The following GRM1 variants were observed in gnomAD, a reference collection of about 807,000 sequenced individuals.
GRM1 encodes the protein metabotropic glutamate receptor 1.
GRM1 carries 33 observed loss-of-function variants against 90.9 expected under a neutral mutation model. The observed-to-expected ratio is 0.36, with a 90% CI of 0.28 to 0.49. The LOEUF (loss-of-function observed/expected upper bound fraction) is 0.49, where lower values mean the gene tolerates loss of function less well. Among genes scored for constraint, GRM1 ranks in the 20% least tolerant of loss-of-function variants. The pLI is 0.99. For synonymous variants in GRM1, 700 were observed against 613.2 expected, an observed-to-expected ratio of 1.14 and a Z score of -2.09; for missense variants, 1,190 against 1,534.3, an observed-to-expected ratio of 0.78 and a Z score of 3.75.
At chr6:146,324,037 C>T in intron 3 of GRM1, among the ~76,000 whole-genome samples, 1 of 152,162 alleles carries the variant, frequency 6.6e-6, no homozygotes, top group Admixed American at 6.5e-5. Context: ...ATGCCTCTGG[C>T]TTTGTTCTTT....
intron 6 of GRM1, among the ~76,000 whole-genome samples, chr6:146,387,654 G>C (rs943831629): frequency 2.0e-5 from 3 of 152,074 alleles, no homozygotes; most frequent in Non-Finnish European, 4.4e-5. Flanking sequence ...GAAAGTTTAT[G>C]ACACATTTGC....
intron 1 of GRM1, among the ~76,000 whole-genome samples, chr6:146,117,437 ATTTG>A (rs939372037): frequency 2.6e-5 from 4 of 151,760 alleles, no homozygotes; most frequent in African/African-American, 7.2e-5. Flanking sequence ...TTATTGACCT[ATTTG>A]TTTATTTATT....
At chr6:146,094,727 A>C (rs1344995845) in intron 1 of GRM1, among the ~76,000 whole-genome samples, 1 of 152,142 alleles carries the variant, frequency 6.6e-6, no homozygotes. Flanking sequence ...GCAGTGGAAT[A>C]GGAGAATAAT....
upstream of GRM1, among the ~76,000 whole-genome samples, chr6:146,028,149 G>A (rs1244940168): frequency 6.6e-6 from 1 of 152,136 alleles, no homozygotes; most frequent in Non-Finnish European, 1.5e-5. Context: ...CCCCAAGCGG[G>A]TGGGTTTGGA....
intron 2 of GRM1, among the ~76,000 whole-genome samples, chr6:146,259,170 T>G (rs1038820793): frequency 1.4e-4 from 22 of 152,276 alleles, no homozygotes; most frequent in Admixed American, 9.2e-4. Context: ...TTCCTTGACT[T>G]ACTTTTATTA....
chr6:146,357,404 CAGT>C (rs1229198370), intron 4 of GRM1, 119 bp from the exon 5 acceptor site: 4 of 766,852 alleles, frequency 5.2e-6, no homozygotes, highest in Non-Finnish European at 9.1e-6. Flanking sequence ...AAAATATTGG[CAGT>C]AGCTGATTTA....
chr6:146,195,406 C>T (rs1416308411), intron 2 of GRM1, among the ~76,000 whole-genome samples: 7 of 152,162 alleles, frequency 4.6e-5, no homozygotes, highest in African/African-American at 1.4e-4. Context: ...TCAGACCCGC[C>T]GTTCAGGAGG....
intron 2 of GRM1, among the ~76,000 whole-genome samples, chr6:146,250,511 T>C (rs757498909): frequency 6.6e-6 from 1 of 152,222 alleles, no homozygotes; most frequent in Non-Finnish European, 1.5e-5. Context: ...TGCTTCCTCT[T>C]TGCCTTCCAC....
chr6:146,408,403 T>C (rs1381250692), intron 7 of GRM1, among the ~76,000 whole-genome samples: 4 of 152,146 alleles, frequency 2.6e-5, no homozygotes, highest in Admixed American at 6.6e-5. Context: ...GTTTCAGTTA[T>C]AAAAATGGAT....
intron 7 of GRM1, among the ~76,000 whole-genome samples, chr6:146,407,839 A>G (rs1463527157): frequency 6.6e-6 from 1 of 152,222 alleles, no homozygotes; most frequent in East Asian, 1.9e-4. Context: ...TAAGAGATAG[A>G]GCCCATTCCC....
chr6:146,320,884 A>G (rs917584609), intron 3 of GRM1, among the ~76,000 whole-genome samples: 1 of 151,758 alleles, frequency 6.6e-6, no homozygotes, highest in African/African-American at 2.4e-5. Flanking sequence ...TCTGGCTAGC[A>G]GTCTATCTAT....
intron 3 of GRM1, among the ~76,000 whole-genome samples, chr6:146,308,171 G>A (rs1783646304): frequency 6.6e-6 from 1 of 152,154 alleles, no homozygotes; most frequent in East Asian, 1.9e-4. Flanking sequence ...TTCCATAGAA[G>A]CTGATAGGGT....
At chr6:146,425,510 TC>T (rs1778164810) in intron 7 of GRM1, among the ~76,000 whole-genome samples, 1 of 140,236 alleles carries the variant, frequency 7.1e-6, no homozygotes, top group Non-Finnish European at 1.7e-5. Context: ...TTGGTCCTCT[TC>T]CAGGTTACCC....
At chr6:146,354,849 C>G (rs1430722188) in intron 4 of GRM1, among the ~76,000 whole-genome samples, 1 of 152,098 alleles carries the variant, frequency 6.6e-6, no homozygotes, top group Non-Finnish European at 1.5e-5. Flanking sequence ...GTAATACACA[C>G]AGTATGAGGA....
At chr6:146,183,184 G>A (rs1778610630) in intron 2 of GRM1, among the ~76,000 whole-genome samples, 1 of 152,084 alleles carries the variant, frequency 6.6e-6, no homozygotes, top group South Asian at 2.1e-4. Flanking sequence ...GAGAAAAGGA[G>A]ACAAGTGGAG....
intron 5 of GRM1, among the ~76,000 whole-genome samples, chr6:146,369,649 T>TTTTTTTCTATTGTGTTTTA (rs1250023270): frequency 1.3e-5 from 2 of 152,074 alleles, no homozygotes; most frequent in African/African-American, 4.8e-5. Flanking sequence ...TTGTTATTGA[T>TTTTTTTCTATTGTGTTTTA]TTCTGGTTTT....
intron 1 of GRM1, among the ~76,000 whole-genome samples, chr6:146,057,574 CCAAT>C (rs1435584804): frequency 6.6e-6 from 1 of 152,052 alleles, no homozygotes; most frequent in African/African-American, 2.4e-5. Flanking sequence ...AGATAACATA[CCAAT>C]CAATCTCTTA....
chr6:146,121,291 T>C (rs1280594913), intron 1 of GRM1, among the ~76,000 whole-genome samples: 1 of 152,220 alleles, frequency 6.6e-6, no homozygotes, highest in East Asian at 1.9e-4. Context: ...CTATCCCCTT[T>C]ATCATTTTTT....
At chr6:146,287,089 C>T (rs1209523170) in intron 2 of GRM1, among the ~76,000 whole-genome samples, 1 of 152,082 alleles carries the variant, frequency 6.6e-6, no homozygotes. Context: ...CAGATTATTG[C>T]TCGAATAATC....
Sources: gnomAD v4.1 joint callset for allele counts (sites outside exome capture counted in the v4.1 genomes callset) on GRCh38, gnomAD v4.1.1 for gene constraint, MANE v1.5 for transcripts, NCBI Gene and HGNC (gene_info 2026-07-23, HGNC 2026-07-21) for gene names.